The following RIPOR3 variants were observed in gnomAD, a reference collection of about 807,000 sequenced individuals.
The protein encoded by RIPOR3 is RIPOR family member 3.
In RIPOR3, 95 loss-of-function variants were observed where a neutral mutation model predicts 114.3. The ratio of observed to expected loss-of-function variants is 0.83; its 90% CI spans 0.70 to 0.99. RIPOR3 has a LOEUF of 0.99. RIPOR3 is among the 50% of genes least tolerant of loss of function. RIPOR3 has a pLI of 0.00. For missense variants in RIPOR3, 1,252 were observed against 1,266.9 expected, an observed-to-expected ratio of 0.99 and a Z score of 0.18; for synonymous variants, 575 against 543.8, an observed-to-expected ratio of 1.06 and a Z score of -0.80.
chr20:50,679,823 G>A (rs113036491), intron 1 of RIPOR3, among the ~76,000 whole-genome samples: 6,119 of 151,466 alleles, frequency 0.04, 175 homozygotes, highest in Middle Eastern at 0.14. Context: ...CAGGCATGGC[G>A]GCATACACCT....
intron 13 of RIPOR3, among the ~76,000 whole-genome samples, chr20:50,598,535 T>C (rs2083382740): frequency 6.6e-6 from 1 of 152,078 alleles, no homozygotes; most frequent in Non-Finnish European, 1.5e-5. Context: ...ACGAAGGGAA[T>C]AACAAGGCTA....
chr20:50,615,108 A>AGCGTGTGT (rs74175509), intron 4 of RIPOR3, among the ~76,000 whole-genome samples: 1 of 138,414 alleles, frequency 7.2e-6, no homozygotes, highest in Non-Finnish European at 1.5e-5. Flanking sequence ...GCTATTTGTG[A>AGCGTGTGT]GTGTGTGTGT....
At chr20:50,588,308 T>G (rs1488055725) in intron 20 of RIPOR3, among the ~76,000 whole-genome samples, 4 of 151,546 alleles carry the variant, frequency 2.6e-5, no homozygotes, top group Non-Finnish European at 5.9e-5. Flanking sequence ...AGGACCGGCA[T>G]GCGCTGCAGC....
At chr20:50,687,716 G>A (rs2087076776) in intron 1 of RIPOR3, among the ~76,000 whole-genome samples, 3 of 152,056 alleles carry the variant, frequency 2.0e-5, no homozygotes, top group South Asian at 2.1e-4. Flanking sequence ...AGCCTGGCCA[G>A]CATGGTGAAA....
chr20:50,690,985 C>A, intron 1 of RIPOR3, 141 bp downstream of exon 1: 1 of 1,103,638 alleles, frequency 9.1e-7, no homozygotes, highest in Non-Finnish European at 1.2e-6. Flanking sequence ...TCAGCCTCAA[C>A]CCAGGTTCCC....
rs534286175 is a variant in RIPOR3 at position 50,666,183 on chromosome 20, A to ATTTCTTTTTTCTTTCT, written c.3+24942_3+24943insAGAAAGAAAAAAGAAA. ...CCTAGAATACAGAGAAAGGACACCCATTTCTTTTCTTTTCTTTTCTTTTCT... is the reference window on the plus strand; with the variant it reads ...CCTAGAATACAGAGAAAGGACACCCATTTCTTTTTTCTTTCTTTTCTTTTCTTTTCTTTTCTTTTCT... On this transcript the variant is annotated intron_variant, in intron 1 of 21. Transcript: ENST00000327979. Among the ~76,000 whole-genome samples the ATTTCTTTTTTCTTTCT allele has an allele frequency of 8.5e-3, 372 of 43,746 alleles. 55 individuals carry two copies. The highest frequency in any genetic ancestry group is 0.014 in the Middle Eastern group (1 of 70). The allele number at this position is 43,746 out of a possible 152,430, so 28.7% of individuals were successfully genotyped here.
intron 1 of RIPOR3, among the ~76,000 whole-genome samples, chr20:50,646,082 T>A (rs1033091999): frequency 6.6e-6 from 1 of 152,118 alleles, no homozygotes; most frequent in Admixed American, 6.6e-5. Context: ...TTTTTTCACA[T>A]CTTCTTTGTT....
intron 1 of RIPOR3, among the ~76,000 whole-genome samples, chr20:50,679,807 A>T (rs1484713231): frequency 6.6e-6 from 1 of 151,640 alleles, no homozygotes. Context: ...AACTGCAAAA[A>T]TTAGCCAGGC....
chr20:50,658,392 T>C (rs2085887409), intron 1 of RIPOR3, among the ~76,000 whole-genome samples: 2 of 152,154 alleles, frequency 1.3e-5, no homozygotes, highest in Admixed American at 1.3e-4. Context: ...GTTCCTAGAA[T>C]ACTCAAATTC....
In RIPOR3 at chr20:50,587,199, G is replaced by T; in HGVS notation, c.*33C>A. 2 of 1,557,472 alleles carry T rather than the reference G, an allele frequency of 1.3e-6. No homozygotes were observed. Among genetic ancestry groups the T allele is most frequent in the South Asian group, 1.1e-5 (1 of 89,720 alleles). On this transcript the variant is annotated 3_prime_UTR_variant, in exon 22 of 22. Coordinates refer to ENST00000327979, the MANE Select transcript of RIPOR3 (RefSeq NM_001290268.2). ...CAGGCTGGGCAGCAGCAAAAAAAAC[G>T]ATGTGAGATTTGTGCTCATCAGCCA...
At position 50,622,211 on chromosome 20, in the gene RIPOR3, TCTCA is replaced by T. The variant is rs1463473151; in HGVS notation, c.123-2083_123-2080del. 2.0e-5 allele frequency among the ~76,000 whole-genome samples: 3 copies of T among 147,378 alleles called. No homozygotes were observed. The East Asian group carries it at 6.0e-4, about 29-fold the overall frequency. ...TTTTTTTTTTTTTTTTGAGATGGAGTCTCACTGTCACCCAGCCTGGAGTGCAATG... is the reference window on the plus strand; with the variant it reads ...TTTTTTTTTTTTTTTTGAGATGGAGTCTGTCACCCAGCCTGGAGTGCAATG... On this transcript the variant is annotated intron_variant, in intron 2 of 21. Coordinates refer to ENST00000327979, the MANE Select transcript of RIPOR3 (RefSeq NM_001290268.2).
chr20:50,647,632 G>A (rs6067497), intron 1 of RIPOR3, among the ~76,000 whole-genome samples: 27 of 151,492 alleles, frequency 1.8e-4, no homozygotes, highest in Non-Finnish European at 3.4e-4. Flanking sequence ...ACAGGCGCCC[G>A]CTACCATGCC....
intron 19 of RIPOR3, among the ~76,000 whole-genome samples, chr20:50,591,757 A>C (rs1261729016): frequency 6.6e-6 from 1 of 152,238 alleles, no homozygotes; most frequent in African/African-American, 2.4e-5. Context: ...ACCCATTACC[A>C]GGTAGCCATG....
chr20:50,654,733 G>T (rs76791753), intron 1 of RIPOR3, among the ~76,000 whole-genome samples: 1,922 of 152,008 alleles, frequency 0.013, 19 homozygotes, highest in East Asian at 0.03. Context: ...GTTTGGTGGG[G>T]TTTTTTTGTT....
intron 2 of RIPOR3, among the ~76,000 whole-genome samples, chr20:50,624,747 C>T (rs1046665968): frequency 1.3e-5 from 2 of 152,230 alleles, no homozygotes; most frequent in Admixed American, 6.5e-5. Flanking sequence ...CAGACGGGCA[C>T]GTGCAACCTG....
chr20:50,598,012 T>C (rs1427875566), intron 13 of RIPOR3, among the ~76,000 whole-genome samples: 3 of 152,100 alleles, frequency 2.0e-5, no homozygotes, highest in East Asian at 1.9e-4. Context: ...CAGGAGTGAG[T>C]GAGCTGCCCC....
chr20:50,587,769 C>T lies in RIPOR3; in HGVS notation c.2752+33G>A, dbSNP rs1202753541. 1.9e-6 allele frequency: 3 copies of T among 1,610,154 alleles called. No homozygotes were observed. The Admixed American group carries it at 5.0e-5, about 27-fold the overall frequency. ...GCAGATTCTAAGGGCCCCAGGCACCCCGCTGCGCTGCACAGTTTGTGCCAC... is the reference window on the plus strand; with the variant it reads ...GCAGATTCTAAGGGCCCCAGGCACCTCGCTGCGCTGCACAGTTTGTGCCAC... On this transcript the variant is annotated intron_variant, in intron 21 of 21. Transcript: ENST00000327979.
At chr20:50,668,143 G>A (rs1014821208) in intron 1 of RIPOR3, among the ~76,000 whole-genome samples, 8 of 152,104 alleles carry the variant, frequency 5.3e-5, no homozygotes, top group African/African-American at 1.2e-4. Context: ...TGCCAGTCCC[G>A]GGAGAACTGT....
chr20:50,642,498 T>C (rs1181087754), intron 1 of RIPOR3, among the ~76,000 whole-genome samples: 2 of 151,950 alleles, frequency 1.3e-5, no homozygotes, highest in Non-Finnish European at 2.9e-5. Flanking sequence ...TAAGATTAAG[T>C]TGCTAATCTG....
Sources: allele counts gnomAD v4.1 joint callset (sites outside exome capture counted in the v4.1 genomes callset), GRCh38; gene constraint gnomAD v4.1.1; transcripts MANE v1.5; gene names NCBI Gene and HGNC (gene_info 2026-07-23, HGNC 2026-07-21).